The following TENM2 variants were observed in gnomAD, a reference collection of about 807,000 sequenced individuals.
TENM2 encodes the protein teneurin-2.
A neutral mutation model predicts 245.2 loss-of-function variants in TENM2; 52 were observed. The ratio of observed to expected loss-of-function variants is 0.21; its 90% CI spans 0.17 to 0.27. TENM2 has a LOEUF of 0.27. Among genes scored for constraint, TENM2 ranks in the 10% least tolerant of loss-of-function variants. The probability of loss-of-function intolerance (pLI) is 1.00; values close to 1 mark genes in which losing one functional copy is unlikely to be tolerated. For synonymous variants in TENM2, 1,363 were observed against 1,438.9 expected, an observed-to-expected ratio of 0.95 and a Z score of 1.19; for missense variants, 3,046 against 3,666.8, an observed-to-expected ratio of 0.83 and a Z score of 4.37.
At chr5:167,006,997 A>G in the TENM2 span, among the ~76,000 whole-genome samples, 6 of 152,172 alleles carry the variant, frequency 3.9e-5, no homozygotes, top group African/African-American at 9.7e-5. Flanking sequence ...GCCTCACATT[A>G]TAATATGCTC....
At chr5:167,410,563 AT>A (rs1269720067) in intron 2 of TENM2, among the ~76,000 whole-genome samples, 2 of 149,598 alleles carry the variant, frequency 1.3e-5, no homozygotes, top group Non-Finnish European at 3.0e-5. Flanking sequence ...AAAAAAAAAA[AT>A]GTGTCTAAGT....
chr5:168,194,669 G>T (rs1437312950), intron 14 of TENM2, among the ~76,000 whole-genome samples: 1 of 152,058 alleles, frequency 6.6e-6, no homozygotes, highest in Non-Finnish European at 1.5e-5. Flanking sequence ...GAGAAATTTT[G>T]CTCTTAGAGG....
chr5:167,419,014 C>A (rs1309605734), intron 2 of TENM2, among the ~76,000 whole-genome samples: 1 of 151,998 alleles, frequency 6.6e-6, no homozygotes, highest in Non-Finnish European at 1.5e-5. Flanking sequence ...AAGTATATAA[C>A]TATACTAAGC....
At chr5:167,827,360 G>A (rs1455830646) in intron 2 of TENM2, among the ~76,000 whole-genome samples, 4 of 152,058 alleles carry the variant, frequency 2.6e-5, no homozygotes, top group Non-Finnish European at 4.4e-5. Flanking sequence ...AACAGTTTCA[G>A]TAACAATATT....
intron 5 of TENM2, among the ~76,000 whole-genome samples, chr5:168,002,580 G>A (rs1012587630): frequency 6.6e-6 from 1 of 152,178 alleles, no homozygotes; most frequent in African/African-American, 2.4e-5. Flanking sequence ...GCTGCCTTAT[G>A]CACCAAATTT....
chr5:167,544,037 T>C (rs1195398522), intron 2 of TENM2, among the ~76,000 whole-genome samples: 1 of 152,190 alleles, frequency 6.6e-6, no homozygotes, highest in African/African-American at 2.4e-5. Flanking sequence ...TCAAGATCTT[T>C]TGGGAGACAC....
chr5:167,590,026 T>A (rs1775773286), intron 2 of TENM2, among the ~76,000 whole-genome samples: 1 of 151,842 alleles, frequency 6.6e-6, no homozygotes, highest in African/African-American at 2.4e-5. Context: ...GTAATTACTT[T>A]GTTTGATTTA....
intron 2 of TENM2, among the ~76,000 whole-genome samples, chr5:167,624,922 A>T (rs1677180663): frequency 1.3e-5 from 2 of 152,202 alleles, no homozygotes; most frequent in African/African-American, 4.8e-5. Context: ...AGTTGCATTG[A>T]TACCCATTCT....
chr5:167,356,343 G>A (rs1759334242), intron 1 of TENM2, among the ~76,000 whole-genome samples: 1 of 151,896 alleles, frequency 6.6e-6, no homozygotes, highest in African/African-American at 2.4e-5. Context: ...GATTCTCAGA[G>A]AAGGTAATTC....
chr5:168,056,170 A>G (rs1289534481), intron 6 of TENM2, among the ~76,000 whole-genome samples: 1 of 152,164 alleles, frequency 6.6e-6, no homozygotes, highest in African/African-American at 2.4e-5. Flanking sequence ...ACCTTAGAGA[A>G]CAACAGAGAT....
intron 2 of TENM2, among the ~76,000 whole-genome samples, chr5:167,471,424 GAGA>G (rs1387030009): frequency 6.6e-6 from 1 of 152,148 alleles, no homozygotes; most frequent in African/African-American, 2.4e-5. Flanking sequence ...CATGGTAATG[GAGA>G]AGAAGGAGTT....
chr5:167,259,166 A>G, the TENM2 span, among the ~76,000 whole-genome samples: 1 of 152,198 alleles, frequency 6.6e-6, no homozygotes, highest in Non-Finnish European at 1.5e-5. Flanking sequence ...GACATATAGT[A>G]GACCGAGGTA....
chr5:168,247,691 G>A lies in TENM2; in HGVS notation c.6752G>A (p.Arg2251Gln), dbSNP rs766205548. 4.3e-5 allele frequency: 69 copies of A among 1,613,674 alleles called. No individual in the cohort carries two copies. Among genetic ancestry groups the A allele is most frequent in the Admixed American group, 8.3e-5 (5 of 59,994 alleles). ...CTCATGCCCTTGCGCTATGACCTCC[G>A]GGATCGGATAACCAGACTCGGGGAT... The change falls in exon 27 of 29, where the codon CGG becomes CAG. Residue 2251 changes from arginine (R) to glutamine (Q), a missense_variant. Arg to Gln is a conservative substitution (Grantham distance 43). Coordinates refer to ENST00000518659, the Ensembl canonical transcript of TENM2. The surrounding 1 kb of genome is among the most constrained non-coding windows in gnomAD (Gnocchi z 7.8).
At chr5:167,641,656 T>C (rs1234618060) in intron 2 of TENM2, among the ~76,000 whole-genome samples, 1 of 152,136 alleles carries the variant, frequency 6.6e-6, no homozygotes, top group Non-Finnish European at 1.5e-5. Context: ...ATGAAACAAA[T>C]AGGTATTAGA....
At chr5:167,091,680 A>G in the TENM2 span, among the ~76,000 whole-genome samples, 2 of 152,226 alleles carry the variant, frequency 1.3e-5, no homozygotes, top group African/African-American at 4.8e-5. Context: ...AATGTAAATG[A>G]ATAAAAGACA....
chr5:168,176,227 C>T (rs1326905843), intron 13 of TENM2, among the ~76,000 whole-genome samples: 1 of 152,228 alleles, frequency 6.6e-6, no homozygotes, highest in Non-Finnish European at 1.5e-5. Flanking sequence ...CACCCCTGCT[C>T]AAGCCTTGCC....
chr5:167,431,918 TATATATATACATATATATATAC>T (rs1764244953), intron 2 of TENM2, among the ~76,000 whole-genome samples: 1 of 134,688 alleles, frequency 7.4e-6, no homozygotes, highest in African/African-American at 2.8e-5. Flanking sequence ...AGGTGTGATA[TATATATATACATATATATATAC>T]ATATATATGT....
chr5:168,241,637 A>G (rs186546364), intron 25 of TENM2, among the ~76,000 whole-genome samples: 6 of 152,112 alleles, frequency 3.9e-5, no homozygotes, highest in African/African-American at 7.2e-5. Flanking sequence ...AGAAACAGCA[A>G]TGGTTTGGAG....
chr5:167,437,072 C>T (rs1764605618), intron 2 of TENM2, among the ~76,000 whole-genome samples: 1 of 152,158 alleles, frequency 6.6e-6, no homozygotes, highest in South Asian at 2.1e-4. Context: ...CACCATCCTC[C>T]AGACCCCAGA....
Sources: allele counts gnomAD v4.1 joint callset (sites outside exome capture counted in the v4.1 genomes callset), GRCh38; gene constraint gnomAD v4.1.1; non-coding constraint Gnocchi (gnomAD v3.1); transcripts MANE v1.5; gene names NCBI Gene and HGNC (gene_info 2026-07-23, HGNC 2026-07-21).